The following HEMK2 variants were observed in gnomAD, a reference collection of about 807,000 sequenced individuals.
HEMK2 encodes the protein methyltransferase HEMK2.
the HEMK2 span, among the ~76,000 whole-genome samples, chr21:28,788,422 G>A: frequency 6.6e-6 from 1 of 151,824 alleles, no homozygotes; most frequent in Non-Finnish European, 1.5e-5. Flanking sequence ...AGTAACTCAG[G>A]AATGGAAAAG....
chr21:28,758,458 C>T, the HEMK2 span, among the ~76,000 whole-genome samples: 1 of 152,156 alleles, frequency 6.6e-6, no homozygotes. Context: ...ACAACACTAA[C>T]TCATCCATCG....
At chr21:28,791,770 T>C in the HEMK2 span, among the ~76,000 whole-genome samples, 2 of 152,052 alleles carry the variant, frequency 1.3e-5, no homozygotes, top group African/African-American at 4.8e-5. Context: ...GTGCCCAAAT[T>C]ACCAGAGTGA....
chr21:28,628,084 G>A, the HEMK2 span, among the ~76,000 whole-genome samples: 1 of 152,038 alleles, frequency 6.6e-6, no homozygotes, highest in Admixed American at 6.5e-5. Flanking sequence ...TGCTTTTGTT[G>A]CTTCATTCTT....
At chr21:28,776,717 C>T in the HEMK2 span, among the ~76,000 whole-genome samples, 5 of 152,286 alleles carry the variant, frequency 3.3e-5, no homozygotes, top group Admixed American at 2.6e-4. Flanking sequence ...CCTGGCAAAC[C>T]ACTGGTGTAA....
At chr21:28,831,654 A>G in the HEMK2 span, among the ~76,000 whole-genome samples, 155 of 39,830 alleles carry the variant, frequency 3.9e-3, 3 homozygotes, top group South Asian at 5.7e-3. Context: ...AAAGAAAGAA[A>G]GAAAGAAAGA....
chr21:28,590,988 C>A, the HEMK2 span, among the ~76,000 whole-genome samples: 1 of 152,312 alleles, frequency 6.6e-6, no homozygotes, highest in Non-Finnish European at 1.5e-5. Context: ...CCAATGACAT[C>A]TTTTCTGATT....
chr21:28,831,542 GGAAA>G, the HEMK2 span, among the ~76,000 whole-genome samples: 66 of 58,122 alleles, frequency 1.1e-3, 2 homozygotes, highest in African/African-American at 1.7e-3. Flanking sequence ...AAGGAAAGAA[GGAAA>G]GAAGGAAAGA....
the HEMK2 span, among the ~76,000 whole-genome samples, chr21:28,864,913 T>TATAG: frequency 1.8e-3 from 258 of 144,114 alleles, no homozygotes; most frequent in African/African-American, 5.5e-3. Flanking sequence ...AGATAGATGA[T>TATAG]ATAGATAGAT....
At chr21:28,750,210 T>C in the HEMK2 span, among the ~76,000 whole-genome samples, 22 of 152,236 alleles carry the variant, frequency 1.4e-4, no homozygotes, top group African/African-American at 5.3e-4. Flanking sequence ...GAATATCCTA[T>C]AGAATGAGAT....
At chr21:28,671,093 A>C in the HEMK2 span, 1 of 152,226 alleles carries the variant, frequency 6.6e-6, no homozygotes, top group African/African-American at 2.4e-5. Context: ...TATGAAGAAG[A>C]AAGATGTATG....
chr21:28,873,314 G>A, the HEMK2 span: 1 of 152,158 alleles, frequency 6.6e-6, no homozygotes, highest in Non-Finnish European at 1.5e-5. Flanking sequence ...TGCATCTTAT[G>A]TTACAGAATA....
At chr21:28,608,500 G>C in the HEMK2 span, among the ~76,000 whole-genome samples, 1 of 149,596 alleles carries the variant, frequency 6.7e-6, no homozygotes, top group South Asian at 2.1e-4. Context: ...CCCACTTCAT[G>C]AACTTTTGCT....
the HEMK2 span, among the ~76,000 whole-genome samples, chr21:28,726,827 C>T: frequency 6.8e-6 from 1 of 147,414 alleles, no homozygotes; most frequent in African/African-American, 2.5e-5. Context: ...AGAATCCTTG[C>T]ACCACTGCAG....
the HEMK2 span, among the ~76,000 whole-genome samples, chr21:28,852,275 G>A: frequency 2.6e-5 from 4 of 152,176 alleles, no homozygotes; most frequent in African/African-American, 9.6e-5. Context: ...GGGAGCCAAT[G>A]TGTGGGTTCT....
At chr21:28,698,750 TTAGA>T in the HEMK2 span, among the ~76,000 whole-genome samples, 4 of 152,228 alleles carry the variant, frequency 2.6e-5, no homozygotes, top group Non-Finnish European at 5.9e-5. Flanking sequence ...TTTTCACTGA[TTAGA>T]TATTTTCATG....
At chr21:28,665,402 T>A in the HEMK2 span, among the ~76,000 whole-genome samples, 1 of 84,070 alleles carries the variant, frequency 1.2e-5, no homozygotes, top group Admixed American at 1.2e-4. Context: ...TTTTTTTTTT[T>A]ATTATAGTCT....
At chr21:28,614,543 T>A in the HEMK2 span, among the ~76,000 whole-genome samples, 1 of 152,156 alleles carries the variant, frequency 6.6e-6, no homozygotes, top group Non-Finnish European at 1.5e-5. Flanking sequence ...AAGCCAAGAT[T>A]TCAACTTGAG....
the HEMK2 span, among the ~76,000 whole-genome samples, chr21:28,669,065 A>C: frequency 1.3e-5 from 2 of 152,206 alleles, no homozygotes; most frequent in African/African-American, 2.4e-5. Flanking sequence ...TGTAGAAAGA[A>C]GAGAATAAAC....
the HEMK2 span, among the ~76,000 whole-genome samples, chr21:28,660,301 T>A: frequency 6.6e-6 from 1 of 151,720 alleles, no homozygotes; most frequent in African/African-American, 2.4e-5. Flanking sequence ...CTTCTGGAAA[T>A]GATAAAAAAA....
Sources: gnomAD v4.1 joint callset for allele counts (sites outside exome capture counted in the v4.1 genomes callset) on GRCh38, gnomAD v4.1.1 for gene constraint, MANE v1.5 for transcripts, NCBI Gene and HGNC (gene_info 2026-07-23, HGNC 2026-07-21) for gene names.